The following MACROH2A1 variants were observed in gnomAD, a reference collection of about 807,000 sequenced individuals.
The protein encoded by MACROH2A1 is macroH2A.1 histone, also known as core histone macro-H2A.1.
A neutral mutation model predicts 31.6 loss-of-function variants in MACROH2A1; 2 were observed. That is an observed-to-expected ratio of 0.06 (90% CI 0.03 to 0.20). The LOEUF is 0.20. Ranked by LOEUF, MACROH2A1 falls within the 10% of genes least tolerant of loss-of-function variation. The pLI is 1.00. For synonymous variants in MACROH2A1, 169 were observed against 189.6 expected (o/e 0.89, Z 0.89); for missense variants, 230 against 474.0 (o/e 0.49, Z 4.78).
chr5:135,358,886 T>G, intron 5 of MACROH2A1: 1 of 985,254 alleles, frequency 1.0e-6, no homozygotes, highest in South Asian at 4.7e-5. Flanking sequence ...GTTGAGTTGC[T>G]GAGAGCTGAC....
chr5:135,372,523 G>A (rs1003710163), intron 2 of MACROH2A1, among the ~76,000 whole-genome samples: 1 of 152,238 alleles, frequency 6.6e-6, no homozygotes, highest in Non-Finnish European at 1.5e-5. Context: ...GCCCAGCAGT[G>A]ATGGGCCCAC....
At chr5:135,390,941 G>T (rs1488494093) in intron 1 of MACROH2A1, among the ~76,000 whole-genome samples, 5 of 152,232 alleles carry the variant, frequency 3.3e-5, no homozygotes, top group Admixed American at 2.0e-4. Context: ...TGGCTCTGGA[G>T]TGATGTTAGA....
At chr5:135,337,408 C>G (rs796806322) in intron 8 of MACROH2A1, among the ~76,000 whole-genome samples, 8 of 152,362 alleles carry the variant, frequency 5.3e-5, no homozygotes, top group African/African-American at 1.9e-4. Context: ...CAAGGGGTCT[C>G]CCTGGAACAC....
intron 8 of MACROH2A1, 46 bp downstream of exon 8, chr5:135,343,214 A>G (rs1223032875): frequency 1.2e-6 from 2 of 1,610,356 alleles, no homozygotes; most frequent in African/African-American, 2.7e-5. Context: ...ATGTGTGCGC[A>G]GAGAGACACA....
At chr5:135,339,410 T>C (rs1033719869) in intron 8 of MACROH2A1, among the ~76,000 whole-genome samples, 7 of 152,182 alleles carry the variant, frequency 4.6e-5, no homozygotes, top group African/African-American at 4.8e-5. Flanking sequence ...TAAGCACCCC[T>C]GCTCTCAGTG....
chr5:135,358,655 GC>G, intron 5 of MACROH2A1: 1 of 967,232 alleles, frequency 1.0e-6, no homozygotes, highest in Non-Finnish European at 1.2e-6. Flanking sequence ...TCACTGTTAA[GC>G]TAAGTTCACT....
At chr5:135,382,788 C>A (rs996601084) in intron 2 of MACROH2A1, among the ~76,000 whole-genome samples, 7 of 152,180 alleles carry the variant, frequency 4.6e-5, no homozygotes, top group African/African-American at 1.7e-4. Context: ...TATAGTCTGA[C>A]CGCTGGCCTT....
intron 5 of MACROH2A1, chr5:135,357,710 C>G: frequency 1.0e-6 from 1 of 984,208 alleles, no homozygotes; most frequent in Non-Finnish European, 1.2e-6. Context: ...AAAGCAAAAG[C>G]ATTTAGTTGA....
chr5:135,341,685 T>C (rs1435214519), intron 8 of MACROH2A1, among the ~76,000 whole-genome samples: 1 of 152,198 alleles, frequency 6.6e-6, no homozygotes, highest in Admixed American at 6.5e-5. Flanking sequence ...GTGTGGGACC[T>C]CAGTGATGGC....
At chr5:135,345,881 C>G in intron 7 of MACROH2A1, 87 bp downstream of exon 7, 1 of 864,858 alleles carries the variant, frequency 1.2e-6, no homozygotes, top group East Asian at 2.4e-5. Flanking sequence ...TGCCACACAC[C>G]TCTGAATTCT....
chr5:135,347,333 T>C (rs1760972208), intron 6 of MACROH2A1: 1 of 152,270 alleles, frequency 6.6e-6, no homozygotes, highest in Non-Finnish European at 1.5e-5. Flanking sequence ...TGGCTAGGAC[T>C]GGGCCTGTAC....
intron 5 of MACROH2A1, 38 bp from the exon 6 acceptor site, chr5:135,353,083 G>A: frequency 1.5e-6 from 2 of 1,308,238 alleles, no homozygotes; most frequent in Non-Finnish European, 2.2e-6. Context: ...TAACAGGAGA[G>A]CTGGGAAGTC....
chr5:135,339,657 C>T lies in MACROH2A1; in HGVS notation c.953+3603G>A, dbSNP rs1759446315. On this transcript the variant is annotated intron_variant, in intron 8 of 8. Transcript: ENST00000511689. ...CATTCTTCTGCTAAGATTAGGTCCC[C>T]CTCGCACTGTGCTGTGGGCTGCTCT... Among the ~76,000 whole-genome samples, 13 of 152,204 alleles carry T rather than the reference C, an allele frequency of 8.5e-5. 1 individual carries two copies. Among genetic ancestry groups the T allele is most frequent in the Admixed American group, 8.5e-4 (13 of 15,284 alleles).
chr5:135,383,273 T>C (rs1765898907), intron 2 of MACROH2A1, among the ~76,000 whole-genome samples: 1 of 152,228 alleles, frequency 6.6e-6, no homozygotes, highest in African/African-American at 2.4e-5. Context: ...CACAATTTGC[T>C]TTGTAAGAGT....
intron 8 of MACROH2A1, 74 bp downstream of exon 8, chr5:135,343,186 G>A (rs1014508829): frequency 1.2e-6 from 2 of 1,604,710 alleles, no homozygotes; most frequent in East Asian, 2.2e-5. Context: ...CAGAGTGAGA[G>A]CACCACAATT....
At chr5:135,360,759 C>A in intron 4 of MACROH2A1, 152 bp from the exon 5 acceptor site, 1 of 706,224 alleles carries the variant, frequency 1.4e-6, no homozygotes, top group Non-Finnish European at 2.6e-6. Flanking sequence ...GGAGCTCAGA[C>A]TCATTTTGAG....
chr5:135,391,010 C>A (rs1364120537), intron 1 of MACROH2A1, among the ~76,000 whole-genome samples: 1 of 152,228 alleles, frequency 6.6e-6, no homozygotes, highest in Non-Finnish European at 1.5e-5. Flanking sequence ...TAACTGCTCA[C>A]TGAGGGCTAG....
At chr5:135,338,230 T>A (rs1256631501) in intron 8 of MACROH2A1, among the ~76,000 whole-genome samples, 1 of 152,180 alleles carries the variant, frequency 6.6e-6, no homozygotes, top group East Asian at 1.9e-4. Flanking sequence ...ACAGCCCTAC[T>A]CCCTCCAGGG....
At chr5:135,335,706 C>CAA (rs1226708460) in intron 8 of MACROH2A1, among the ~76,000 whole-genome samples, 2 of 152,150 alleles carry the variant, frequency 1.3e-5, no homozygotes, top group Non-Finnish European at 2.9e-5. Context: ...GGCTATCATC[C>CAA]AAGTTTCCAA....
Sources: gnomAD v4.1 joint callset for allele counts (sites outside exome capture counted in the v4.1 genomes callset) on GRCh38, gnomAD v4.1.1 for gene constraint, MANE v1.5 for transcripts, NCBI Gene and HGNC (gene_info 2026-07-23, HGNC 2026-07-21) for gene names.